The following PCDHA11 variants were observed in gnomAD, a reference collection of about 807,000 sequenced individuals.
PCDHA11 encodes the protein protocadherin alpha 11.
A neutral mutation model predicts 70.3 loss-of-function variants in PCDHA11; 61 were observed. The ratio of observed to expected loss-of-function variants is 0.87; its 90% CI spans 0.71 to 1.07. The LOEUF (loss-of-function observed/expected upper bound fraction) is 1.07, where lower values mean the gene tolerates loss of function less well. Ranked by LOEUF, PCDHA11 falls within the 50% of genes least tolerant of loss-of-function variation. The pLI is 0.00. For missense variants in PCDHA11, 1,324 were observed against 1,237.5 expected (o/e 1.07, Z -1.05); for synonymous variants, 633 against 555.1 (o/e 1.14, Z -1.97).
At chr5:141,008,126 G>A (rs2098361949) in intron 3 of PCDHA11, among the ~76,000 whole-genome samples, 1 of 152,178 alleles carries the variant, frequency 6.6e-6, no homozygotes, top group African/African-American at 2.4e-5. Context: ...TCAAGAAGGG[G>A]ATGACAAATG....
At chr5:140,896,381 C>A (rs1235283612) in intron 1 of PCDHA11, among the ~76,000 whole-genome samples, 1 of 152,160 alleles carries the variant, frequency 6.6e-6, no homozygotes, top group Non-Finnish European at 1.5e-5. Context: ...TTCTCTGCAA[C>A]CTCACCAGCA....
intron 1 of PCDHA11, among the ~76,000 whole-genome samples, chr5:140,892,180 T>C (rs1176959692): frequency 6.6e-6 from 1 of 152,224 alleles, no homozygotes; most frequent in African/African-American, 2.4e-5. Context: ...GGGATCCTCA[T>C]GGGTCTATTC....
At chr5:140,876,173 A>T (rs369965805) in intron 1 of PCDHA11, 66 of 1,613,862 alleles carry the variant, frequency 4.1e-5, no homozygotes, top group Middle Eastern at 1.6e-4. Context: ...ACCGTCCTGG[A>T]TGTGAATGAC....
At chr5:140,982,253 A>T (rs1209317234) in intron 2 of PCDHA11, 1 of 777,640 alleles carries the variant, frequency 1.3e-6, no homozygotes, top group African/African-American at 1.8e-5. Flanking sequence ...AAGATAGAAC[A>T]TGTGTGTTCC....
At chr5:140,982,625 T>C in intron 3 of PCDHA11, 62 bp downstream of exon 3, 1 of 1,582,614 alleles carries the variant, frequency 6.3e-7, no homozygotes, top group South Asian at 1.2e-5. Context: ...ATGACCTACT[T>C]TTGTAAGATC....
At chr5:140,985,310 TG>T (rs1563522847) in intron 3 of PCDHA11, among the ~76,000 whole-genome samples, 2 of 152,196 alleles carry the variant, frequency 1.3e-5, no homozygotes, top group African/African-American at 4.8e-5. Flanking sequence ...GATAGCCTGG[TG>T]GCCAGAATTC....
intron 1 of PCDHA11, among the ~76,000 whole-genome samples, chr5:140,949,420 G>A (rs1219049825): frequency 6.6e-6 from 1 of 151,726 alleles, no homozygotes; most frequent in African/African-American, 2.4e-5. Context: ...TCATCATTGT[G>A]TTTATCTCTT....
chr5:140,941,194 TC>T lies in PCDHA11; in HGVS notation c.2392-37754del, dbSNP rs1420421121. 9.3e-3 allele frequency among the ~76,000 whole-genome samples: 1,044 copies of T among 112,328 alleles called. 8 individuals carry two copies. The highest frequency in any genetic ancestry group is 0.018 in the Admixed American group (200 of 11,012). 73.7% of individuals were successfully genotyped at this position (112,328 alleles called of 152,430 possible). The stretch of plus-strand genomic sequence containing the variant: ...CTTGAACATCCTGCTTCTTTTTTTT[TC>T]TTTCTTCCTTTCTTTCTTCCTTTCT... On this transcript the variant is annotated intron_variant, in intron 1 of 3. Coordinates refer to ENST00000398640, the MANE Select transcript of PCDHA11 (RefSeq NM_018902.5).
chr5:140,926,373 G>A (rs1040164585), intron 1 of PCDHA11: 3 of 152,370 alleles, frequency 2.0e-5, no homozygotes, highest in African/African-American at 4.8e-5. Context: ...GGCAGGAAGA[G>A]CCCAGCTGGG....
chr5:140,982,992 A>G (rs1413932820), intron 3 of PCDHA11, among the ~76,000 whole-genome samples: 1 of 151,958 alleles, frequency 6.6e-6, no homozygotes, highest in African/African-American at 2.4e-5. Flanking sequence ...GAGAAAAAGA[A>G]GGAAAGAAAG....
intron 1 of PCDHA11, chr5:140,926,643 G>A (rs1292255848): frequency 4.9e-5 from 22 of 452,632 alleles, no homozygotes; most frequent in African/African-American, 3.9e-4. Flanking sequence ...CTCAACACCC[G>A]GCCGGCTCCG....
intron 1 of PCDHA11, among the ~76,000 whole-genome samples, chr5:140,922,803 A>G (rs2080995467): frequency 6.6e-6 from 1 of 152,246 alleles, no homozygotes; most frequent in African/African-American, 2.4e-5. Flanking sequence ...TGGAATACAG[A>G]AAAAGGAGAT....
intron 1 of PCDHA11, among the ~76,000 whole-genome samples, chr5:140,962,950 C>T (rs2095723700): frequency 6.6e-6 from 1 of 152,152 alleles, no homozygotes; most frequent in African/African-American, 2.4e-5. Flanking sequence ...ATAAGATATG[C>T]TCTATCCCTA....
chr5:140,899,609 A>G (rs898089235), intron 1 of PCDHA11, among the ~76,000 whole-genome samples: 12 of 152,104 alleles, frequency 7.9e-5, no homozygotes, highest in Non-Finnish European at 1.6e-4. Context: ...CTTTTGCATC[A>G]ATGTTCATCA....
chr5:140,883,925 G>T (rs1554180613), intron 1 of PCDHA11: 2 of 1,613,466 alleles, frequency 1.2e-6, no homozygotes, highest in Non-Finnish European at 1.7e-6. Context: ...GACGCTGCAG[G>T]TGTTCGTGCT....
rs1562653740 is a variant in PCDHA11, at chr5:140,870,919, C to T, written c.1816C>T (p.Leu606Phe). The T allele has an allele frequency of 6.2e-7, 1 of 1,613,952 alleles. No individual in the cohort carries two copies. The highest frequency in any genetic ancestry group is 8.5e-7 in the Non-Finnish European group (1 of 1,179,912). Residue 606 changes from leucine (L) to phenylalanine (F), a missense_variant, in exon 1 of 4, where the codon CTT becomes TTT. By Grantham distance (22) the Leu-to-Phe change is conservative. Coordinates refer to ENST00000398640, the MANE Select transcript of PCDHA11 (RefSeq NM_018902.5). ...TGCGGACTCAGGCTACAACGCGTGGCTTTCATATGAATTGCAGCCGGCGGC... is the reference window on the plus strand; with the variant it reads ...TGCGGACTCAGGCTACAACGCGTGGTTTTCATATGAATTGCAGCCGGCGGC... Reference protein sequence around the residue: ...VDADSGYNAWLSYELQPAAGG... With the variant: ...VDADSGYNAWFSYELQPAAGG...
At chr5:140,983,392 C>T (rs1190599444) in intron 3 of PCDHA11, among the ~76,000 whole-genome samples, 2 of 152,150 alleles carry the variant, frequency 1.3e-5, no homozygotes, top group African/African-American at 2.4e-5. Context: ...TGGCAGTTTT[C>T]AGAAAGGGAA....
chr5:140,952,496 G>A (rs2094755026), intron 1 of PCDHA11, among the ~76,000 whole-genome samples: 1 of 152,112 alleles, frequency 6.6e-6, no homozygotes, highest in Non-Finnish European at 1.5e-5. Flanking sequence ...CCAGTCCTCA[G>A]TAAGTTCCTC....
chr5:140,924,876 C>G (rs1380631161), intron 1 of PCDHA11, among the ~76,000 whole-genome samples: 1 of 144,704 alleles, frequency 6.9e-6, no homozygotes, highest in Non-Finnish European at 1.5e-5. Flanking sequence ...GCCTGGGTGA[C>G]AGAGCAAGAA....
Sources: gnomAD v4.1 joint callset for allele counts (sites outside exome capture counted in the v4.1 genomes callset) on GRCh38, gnomAD v4.1.1 for gene constraint, MANE v1.5 for transcripts, NCBI Gene and HGNC (gene_info 2026-07-23, HGNC 2026-07-21) for gene names.